RYR2: variants seen among roughly 807,000 people sequenced by gnomAD.
RYR2 encodes cardiac muscle ryanodine receptor-calcium release channel.
A neutral mutation model predicts 601.1 loss-of-function variants in RYR2; 227 were observed. The ratio of observed to expected loss-of-function variants is 0.38; its 90% CI spans 0.34 to 0.42. The LOEUF (loss-of-function observed/expected upper bound fraction) is 0.42. RYR2 is among the 10% of genes least tolerant of loss of function. The probability of loss-of-function intolerance (pLI) is 1.00; values close to 1 mark genes in which losing one functional copy is unlikely to be tolerated. For missense variants in RYR2, 4,646 were observed against 6,156.5 expected, an observed-to-expected ratio of 0.75 and a Z score of 8.21; for synonymous variants, 2,223 against 2,175.1, an observed-to-expected ratio of 1.02 and a Z score of -0.61.
chr1:237,808,366 A>T (rs1205981075), intron 99 of RYR2, among the ~76,000 whole-genome samples: 1 of 152,150 alleles, frequency 6.6e-6, no homozygotes, highest in Non-Finnish European at 1.5e-5. Context: ...TAGCCCTCAT[A>T]AAATGAAGAA....
At chr1:237,651,854 G>A (rs1249219463) in intron 51 of RYR2, among the ~76,000 whole-genome samples, 2 of 152,114 alleles carry the variant, frequency 1.3e-5, no homozygotes, top group Admixed American at 6.6e-5. Flanking sequence ...TAGCTAACAC[G>A]GTGAAACCCC....
chr1:237,330,763 G>A, intron 2 of RYR2, 115 bp from the exon 3 acceptor site: 9 of 758,006 alleles, frequency 1.2e-5, no homozygotes, highest in South Asian at 1.2e-4. Context: ...GGAACTTGCA[G>A]TAGAAAGTTG....
At chr1:237,576,439 ACATAGAACTGATATAGAAACAGATGC>A (rs1673229772) in intron 29 of RYR2, among the ~76,000 whole-genome samples, 2 of 152,184 alleles carry the variant, frequency 1.3e-5, no homozygotes, top group African/African-American at 4.8e-5. Context: ...GATGCCAGAA[ACATAGAACTGATATAGAAACAGATGC>A]CATAGAACAT....
intron 6 of RYR2, among the ~76,000 whole-genome samples, chr1:237,371,061 A>T (rs1414106263): frequency 6.6e-6 from 1 of 152,176 alleles, no homozygotes; most frequent in Non-Finnish European, 1.5e-5. Context: ...CTAATAGGAA[A>T]AAACTGTTGG....
intron 1 of RYR2, among the ~76,000 whole-genome samples, chr1:237,157,103 C>T (rs1452305244): frequency 2.0e-5 from 3 of 151,940 alleles, no homozygotes; most frequent in Non-Finnish European, 4.4e-5. Context: ...TGAGACCAGC[C>T]TGGCCAGCAT....
chr1:237,723,219 A>G lies in RYR2; in HGVS notation c.10646A>G (p.Glu3549Gly). ...ACCTCAGATCCAGAGAAGACGGTAG[A>G]AAGAGTATTGGATATAGCAAATGTG... ...DDTSDPEKTVERVLDIANVLF... is the reference protein window; with the variant it reads ...DDTSDPEKTVGRVLDIANVLF... Residue 3549 changes from glutamate to glycine, a missense_variant, in exon 74 of 105, where the codon GAA becomes GGA. Glu to Gly is a moderately conservative substitution (Grantham distance 98). Around this residue, in one of 17 missense-constraint regions of RYR2, gnomAD observed 1,497 missense variants for 1,842.6 expected, o/e 0.81. Coordinates refer to ENST00000366574, the MANE Select transcript of RYR2 (RefSeq NM_001035.3). The G allele has an allele frequency of 6.2e-7, 1 of 1,612,110 alleles. No homozygotes were observed. Among genetic ancestry groups the G allele is most frequent in the South Asian group, 1.1e-5 (1 of 91,024 alleles).
At chr1:237,710,990 C>A (rs1396007774) in intron 70 of RYR2, among the ~76,000 whole-genome samples, 1 of 151,948 alleles carries the variant, frequency 6.6e-6, no homozygotes, top group Admixed American at 6.6e-5. Context: ...TAGGGGGAGC[C>A]CAGGAAAAAA....
chr1:237,516,763 GACTCT>G (rs1666592726), intron 24 of RYR2, among the ~76,000 whole-genome samples: 1 of 152,064 alleles, frequency 6.6e-6, no homozygotes, highest in African/African-American at 2.4e-5. Context: ...AATCACCTTT[GACTCT>G]TCCCTTTGTT....
chr1:237,237,660 T>C (rs1685683668), intron 1 of RYR2, among the ~76,000 whole-genome samples: 1 of 152,128 alleles, frequency 6.6e-6, no homozygotes, highest in Non-Finnish European at 1.5e-5. Context: ...CAAAATATAT[T>C]TCTTTGACAT....
intron 1 of RYR2, among the ~76,000 whole-genome samples, chr1:237,143,848 AAG>A (rs1378590469): frequency 3.9e-5 from 6 of 152,156 alleles, no homozygotes; most frequent in African/African-American, 1.4e-4. Context: ...GTAGTAGAAA[AAG>A]AAAACAGTTT....
chr1:237,734,191 C>G (rs1360089066), intron 79 of RYR2, among the ~76,000 whole-genome samples: 1 of 152,100 alleles, frequency 6.6e-6, no homozygotes, highest in Non-Finnish European at 1.5e-5. Context: ...ATAAGGGAAA[C>G]AAGCTTAATT....
At chr1:237,256,714 T>G (rs1572381032) in intron 1 of RYR2, among the ~76,000 whole-genome samples, 1 of 152,320 alleles carries the variant, frequency 6.6e-6, no homozygotes, top group East Asian at 1.9e-4. Flanking sequence ...AATACATTCA[T>G]TCTTCCTAAA....
chr1:237,479,623 G>A (rs1330448428), intron 17 of RYR2, among the ~76,000 whole-genome samples: 1 of 152,206 alleles, frequency 6.6e-6, no homozygotes, highest in Non-Finnish European at 1.5e-5. Context: ...TTTATGTCTT[G>A]TAAACCTTTG....
intron 10 of RYR2, among the ~76,000 whole-genome samples, chr1:237,408,042 G>C (rs1024550958): frequency 6.6e-6 from 1 of 152,058 alleles, no homozygotes; most frequent in East Asian, 1.9e-4. Context: ...GTGTTTTCTT[G>C]CAGATCAGAG....
rs730880192 is a variant in RYR2, at chr1:237,614,548, G to A, written c.5420G>A (p.Arg1807Gln). Residue 1807 changes from arginine (R) to glutamine (Q), a missense_variant, in exon 37 of 105, where the codon CGG becomes CAG. Arg to Gln is a conservative substitution (Grantham distance 43). Around this residue, in one of 17 missense-constraint regions of RYR2, gnomAD observed 1,807 missense variants for 2,088.1 expected, o/e 0.87. Transcript: ENST00000366574. This position sits in a 1 kb window ranked among gnomAD's most constrained non-coding sequence, Gnocchi z 4.3. The stretch of plus-strand genomic sequence containing the variant: ...GTTAAAGAGGGCAGTCTTCATGCCC[G>A]GGACCCAGTTGGAGGGACTACTGAA... Reference protein sequence around the residue: ...EAVKEGSLHARDPVGGTTEFL... With the variant: ...EAVKEGSLHAQDPVGGTTEFL... 1.2e-5 allele frequency: 19 copies of A among 1,613,906 alleles called. No homozygotes were observed. The highest frequency in any genetic ancestry group is 1.1e-4 in the South Asian group (10 of 91,090).
At chr1:237,333,720 TC>T in intron 3 of RYR2, 2 of 450,410 alleles carry the variant, frequency 4.4e-6, no homozygotes, top group South Asian at 3.1e-5. Context: ...CCTTATAATG[TC>T]CCCTTTACAC....
chr1:237,350,602 A>AATATATATATATATAT (rs1177777241), intron 3 of RYR2, among the ~76,000 whole-genome samples: 13 of 36,994 alleles, frequency 3.5e-4, no homozygotes, highest in African/African-American at 1.1e-3. Context: ...AAAAAAAAAA[A>AATATATATATATATAT]ATATATATAT....
intron 25 of RYR2, among the ~76,000 whole-genome samples, chr1:237,539,439 T>C (rs1299963160): frequency 6.6e-6 from 1 of 152,234 alleles, no homozygotes; most frequent in East Asian, 1.9e-4. Context: ...TGCTGTCTCT[T>C]TTGCATATAT....
At chr1:237,336,566 C>T (rs949745275) in intron 3 of RYR2, among the ~76,000 whole-genome samples, 3 of 152,096 alleles carry the variant, frequency 2.0e-5, no homozygotes, top group African/African-American at 7.2e-5. Flanking sequence ...TAGTAAAAAA[C>T]TTGTGTTGGC....
Sources: allele counts gnomAD v4.1 joint callset (sites outside exome capture counted in the v4.1 genomes callset), GRCh38; gene constraint gnomAD v4.1.1; regional missense constraint gnomAD v4.1.1; non-coding constraint Gnocchi (gnomAD v3.1); transcripts MANE v1.5; gene names NCBI Gene and HGNC (gene_info 2026-07-23, HGNC 2026-07-21).